The following ADAMTSL4 variants were observed in gnomAD, a reference collection of about 807,000 sequenced individuals.
ADAMTSL4 encodes ADAMTS-like protein 4.
A neutral mutation model predicts 122.8 loss-of-function variants in ADAMTSL4; 97 were observed. That is an observed-to-expected ratio of 0.79 (90% CI 0.67 to 0.93). The LOEUF (loss-of-function observed/expected upper bound fraction) is 0.93, where lower values mean the gene tolerates loss of function less well. ADAMTSL4 is among the 40% of genes least tolerant of loss of function. ADAMTSL4 has a pLI of 0.00. For synonymous variants in ADAMTSL4, 592 were observed against 568.0 expected (o/e 1.04, Z -0.60); for missense variants, 1,408 against 1,453.5 (o/e 0.97, Z 0.51).
At position 150,553,565 on chromosome 1, in the gene ADAMTSL4, G is replaced by A. The variant is rs771406480; in HGVS notation, c.574G>A (p.Glu192Lys). The change falls in exon 6 of 19, where the codon GAG (glutamate) becomes AAG (lysine). Residue 192 changes from glutamate to lysine, a missense_variant. By Grantham distance (56) the Glu-to-Lys change is moderately conservative. Transcript: ENST00000271643. ...ELSLISSRGE[E>K]AIPSPTPRAE... ...GTCCCTGATCTCTTCTAGAGGGGAAGAGGCTATTCCGTCCCCTACTCCAAG... is the reference window on the plus strand; with the variant it reads ...GTCCCTGATCTCTTCTAGAGGGGAAAAGGCTATTCCGTCCCCTACTCCAAG... 2.5e-6 allele frequency: 4 copies of A among 1,613,802 alleles called. No individual in the cohort carries two copies. The highest frequency in any genetic ancestry group is 1.3e-5 in the African/African-American group (1 of 74,908).
At chr1:150,558,832 G>A (rs1672490468) in intron 15 of ADAMTSL4, 130 bp from the exon 16 acceptor site, 11 of 1,538,870 alleles carry the variant, frequency 7.1e-6, no homozygotes, top group Non-Finnish European at 9.6e-6. Context: ...TCCTCGTCCG[G>A]GCCTGGTACC....
At chr1:150,550,595 C>G (rs1671307289) in intron 2 of ADAMTSL4, 3 of 384,042 alleles carry the variant, frequency 7.8e-6, no homozygotes, top group South Asian at 5.6e-5. Context: ...TGACTATCAC[C>G]CCATTTCTTC....
rs1156931512 is a variant in ADAMTSL4 at position 150,551,281 on chromosome 1, T to C, written c.-84-924T>C. The C allele has an allele frequency of 8.7e-6, 3 of 344,334 alleles. No individual in the cohort carries two copies. In the Admixed American group the frequency reaches 1.1e-4, roughly 13 times the overall value. 21.3% of individuals were successfully genotyped at this position (344,334 alleles called of 1,614,324 possible). On this transcript the variant is annotated intron_variant, in intron 2 of 18. Coordinates refer to ENST00000271643, the MANE Select transcript of ADAMTSL4 (RefSeq NM_019032.6). ...CCCTCACTGAACCAACTCCAGATGC[T>C]GGCACCCAGAGTGGGTGTTACATTG...
intron 5 of ADAMTSL4, 44 bp from the exon 6 acceptor site, chr1:150,553,382 G>A (rs1017356462): frequency 3.1e-6 from 5 of 1,609,600 alleles, no homozygotes; most frequent in Non-Finnish European, 4.3e-6. Context: ...AACAGGGTCA[G>A]AGGTGGTCAG....
At position 150,556,784 on chromosome 1, in the gene ADAMTSL4, G is replaced by A; in HGVS notation, c.1740G>A (p.Val580=). Residue 580 remains valine, a synonymous_variant, in exon 10 of 19, where the codon GTG becomes GTA. Transcript: ENST00000271643. The surrounding 1 kb of genome is among the most constrained non-coding windows in gnomAD (Gnocchi z 4.1). ...LSAEGPTTQP[V]DVYMIFQEEN... ...CTGAAGGCCCCACCACCCAGCCTGT[G>A]GATGTCTATGTGAGCCTGGGGCCAG... is the stretch of plus-strand genomic sequence containing the variant. 6.2e-7 allele frequency: 1 copy of A among 1,613,234 alleles called. No homozygotes were observed. Among genetic ancestry groups the A allele is most frequent in the Non-Finnish European group, 8.5e-7 (1 of 1,179,340 alleles).
Position 150,557,316 on chromosome 1 carries a change from C to T in ADAMTSL4, c.2028C>T (p.Cys676=), listed in dbSNP as rs1672261415. ...GGAAACGAGTGGGACACTCTGCATG[C>T]TCAGCGTCCTGCGGGAAAGGTGAGA... is the stretch of plus-strand genomic sequence containing the variant. The part of the protein sequence containing the change: ...AYWKRVGHSA[C]SASCGKGVWR... The change falls in exon 12 of 19, where the codon TGC becomes TGT. Residue 676 remains cysteine (C), a synonymous_variant. Coordinates refer to ENST00000271643, the MANE Select transcript of ADAMTSL4 (RefSeq NM_019032.6). The T allele has an allele frequency of 1.9e-6, 3 of 1,611,628 alleles. No individual in the cohort carries two copies. Among genetic ancestry groups the T allele is most frequent in the Non-Finnish European group, 1.7e-6 (2 of 1,179,298 alleles).
chr1:150,555,742 C>CGCATATGCACACACATGCACAT (rs1672009625), intron 8 of ADAMTSL4, among the ~76,000 whole-genome samples, 177 bp downstream of exon 8: 2 of 151,998 alleles, frequency 1.3e-5, no homozygotes, highest in African/African-American at 4.8e-5. Flanking sequence ...CGCACACACA[C>CGCATATGCACACACATGCACAT]GCATATGCAC....
At chr1:150,551,105 TC>T (rs764841499) in intron 2 of ADAMTSL4, 11 of 425,734 alleles carry the variant, frequency 2.6e-5, no homozygotes, top group South Asian at 1.8e-4. Context: ...TGGGGTGGCT[TC>T]CAAGCCTCAC....
rs953104001 is a variant in ADAMTSL4, at chr1:150,557,592, G to C, written c.2146G>C (p.Glu716Gln). 2 of 1,603,304 alleles carry C rather than the reference G, an allele frequency of 1.2e-6. No individual in the cohort carries two copies. Among genetic ancestry groups the C allele is most frequent in the African/African-American group, 2.7e-5 (2 of 74,720 alleles). Residue 716 changes from glutamate (E) to glutamine (Q), a missense_variant, in exon 13 of 19, where the codon GAA becomes CAA. Physicochemically the swap from Glu to Gln is conservative, Grantham distance 29 (BLOSUM62 2). Transcript: ENST00000271643. ...GGGTGCCAGGCCCCCAGCCTCCCCT[G>C]AACCCTGCCACGGCACCCCATGCCC... ...AAGARPPASP[E>Q]PCHGTPCPPY...
chr1:150,558,119 C>T lies in ADAMTSL4; in HGVS notation c.2352C>T (p.Gly784=), dbSNP rs1462812327. The change falls in exon 14 of 19, where the codon GGC becomes GGT. Residue 784 remains glycine, a synonymous_variant. Coordinates refer to ENST00000271643, the MANE Select transcript of ADAMTSL4 (RefSeq NM_019032.6). ...ITQSCQLRLC[G]HWEVGSPWSQ... is the part of the protein sequence containing the mutation. ...AGTCTTGCCAGCTGCGCCTCTGTGG[C>T]CATTGGGAAGTTGGCTCTCCTTGGA... is the stretch of plus-strand genomic sequence containing the variant. 6.2e-7 allele frequency: 1 copy of T among 1,613,388 alleles called. No homozygotes were observed. The highest frequency in any genetic ancestry group is 8.5e-7 in the Non-Finnish European group (1 of 1,180,026).
intron 7 of ADAMTSL4, among the ~76,000 whole-genome samples, chr1:150,555,164 A>G (rs1671894407): frequency 6.6e-6 from 1 of 151,558 alleles, no homozygotes; most frequent in South Asian, 2.1e-4. Context: ...TAATTTTTGT[A>G]TTTGTAGTGG....
chr1:150,558,425 G>T, intron 14 of ADAMTSL4, 48 bp from the exon 15 acceptor site: 1 of 1,609,256 alleles, frequency 6.2e-7, no homozygotes. Context: ...GAAGCTGGCT[G>T]AGAAGGTCTG....
At position 150,558,031 on chromosome 1, in the gene ADAMTSL4, G is replaced by A. The variant is rs200531596; in HGVS notation, c.2264G>A (p.Gly755Glu). 3.1e-6 allele frequency: 5 copies of A among 1,612,780 alleles called. No homozygotes were observed. Among genetic ancestry groups the A allele is most frequent in the African/African-American group, 1.3e-5 (1 of 75,030 alleles). ...HRQLQCRQEF[G>E]GGGSSVPPER... Reference sequence around the variant, plus strand: ...CAGCTGCAGTGCCGGCAGGAATTTGGGGGGGGTGGCTCCTCGGTGCCCCCG... The same window carrying A: ...CAGCTGCAGTGCCGGCAGGAATTTGAGGGGGGTGGCTCCTCGGTGCCCCCG... The change falls in exon 14 of 19, where the codon GGG (glycine) becomes GAG (glutamate). Residue 755 changes from glycine to glutamate, a missense_variant. Transcript: ENST00000271643.
Position 150,557,305 on chromosome 1 carries a change from C to T in ADAMTSL4, c.2017C>T (p.His673Tyr), listed in dbSNP as rs1231693891. ...AGCTGCGTACTGGAAACGAGTGGGA[C>T]ACTCTGCATGCTCAGCGTCCTGCGG... ...SPAAYWKRVG[H>Y]SACSASCGKG... Residue 673 changes from histidine (H) to tyrosine (Y), a missense_variant, in exon 12 of 19, where the codon CAC becomes TAC. Coordinates refer to ENST00000271643, the MANE Select transcript of ADAMTSL4 (RefSeq NM_019032.6). The T allele has an allele frequency of 3.7e-6, 6 of 1,612,144 alleles. No homozygotes were observed. The highest frequency in any genetic ancestry group is 4.5e-5 in the East Asian group (2 of 44,804).
Position 150,559,375 on chromosome 1 carries a change from G to A in ADAMTSL4, c.2852G>A (p.Ser951Asn). The stretch of plus-strand genomic sequence containing the variant: ...ACGGAGTTCAACGTGACTTCTCCGA[G>A]CAACTGTTCTCACCTCCCCAGGCCC... ...LGTEFNVTSP[S>N]NCSHLPRPPA... is the part of the protein sequence containing the mutation. The change falls in exon 17 of 19, where the codon AGC becomes AAC. Residue 951 changes from serine (S) to asparagine (N), a missense_variant. Ser to Asn is a conservative substitution (Grantham distance 46). Coordinates refer to ENST00000271643, the MANE Select transcript of ADAMTSL4 (RefSeq NM_019032.6). The surrounding 1 kb of genome is among the most constrained non-coding windows in gnomAD (Gnocchi z 4.1). 1 of 1,613,872 alleles carries A rather than the reference G, an allele frequency of 6.2e-7. No individual in the cohort carries two copies. Among genetic ancestry groups the A allele is most frequent in the Non-Finnish European group, 8.5e-7 (1 of 1,180,004 alleles).
Position 150,553,164 on chromosome 1 carries a change from G to A in ADAMTSL4, c.345G>A (p.Arg115=), listed in dbSNP as rs1671612247. 1.9e-6 allele frequency: 3 copies of A among 1,611,994 alleles called. No individual in the cohort carries two copies. The highest frequency in any genetic ancestry group is 2.5e-6 in the Non-Finnish European group (3 of 1,179,030). ...QTSPETLPLY[R]TQSRGRGGPL... ...CTCCAGAAACCCTCCCCTTGTACAG[G>A]ACACAGTCTCGGGGAAGGGGTGGCC... Residue 115 remains arginine, a synonymous_variant, in exon 5 of 19, where the codon AGG becomes AGA. Transcript: ENST00000271643.
rs771686014 is a variant in ADAMTSL4 at position 150,552,597 on chromosome 1, G to T, written c.75G>T (p.Gln25His). ...LLSLPQLCLD[Q>H]EVLSGHSLQT... Reference sequence around the variant, plus strand: ...CCCTCCCTCAGCTCTGCTTGGATCAGGAGGTGAGTTCTGGACAAGTGAGCA... The same window carrying T: ...CCCTCCCTCAGCTCTGCTTGGATCATGAGGTGAGTTCTGGACAAGTGAGCA... The change falls in exon 4 of 19, where the codon CAG (glutamine) becomes CAT (histidine). Residue 25 changes from glutamine (Q) to histidine (H), a missense_variant. Transcript: ENST00000271643. The surrounding 1 kb of genome is among the most constrained non-coding windows in gnomAD (Gnocchi z 4.0). 1 of 1,613,746 alleles carries T rather than the reference G, an allele frequency of 6.2e-7. No homozygotes were observed. The highest frequency in any genetic ancestry group is 1.1e-5 in the South Asian group (1 of 91,036).
At position 150,549,900 on chromosome 1, in the gene ADAMTSL4, G is replaced by A. The variant is rs1671225199; in HGVS notation, c.-85+5G>A. ...GGGTCGCCGCGAGGGACGCAGGTGG[G>A]TGCCCTTGATCCAGCTCAGCCCGAT... is the stretch of plus-strand genomic sequence containing the variant. On this transcript the variant is annotated splice_donor_5th_base_variant and intron_variant, in intron 2 of 18. Coordinates refer to ENST00000271643, the MANE Select transcript of ADAMTSL4 (RefSeq NM_019032.6). This position sits in a 1 kb window ranked among gnomAD's most constrained non-coding sequence, Gnocchi z 5.0. 1 of 218,706 alleles carries A rather than the reference G, an allele frequency of 4.6e-6. No individual in the cohort carries two copies. Among genetic ancestry groups the A allele is most frequent in the South Asian group, 5.7e-5 (1 of 17,502 alleles). The allele number at this position is 218,706 out of a possible 1,614,324, so 13.5% of individuals were successfully genotyped here. A position where few individuals can be genotyped will look rare whatever the true frequency, so the allele number is the denominator to read the frequency against.
Position 150,555,813 on chromosome 1 carries a change from GCA to G in ADAMTSL4, c.1371+256_1371+257del, listed in dbSNP as rs373367825. The G allele has an allele frequency of 1.3e-3, 817 of 626,064 alleles. 2 individuals carry two copies. The highest frequency in any genetic ancestry group is 5.3e-3 in the African/African-American group (293 of 54,930). The allele number at this position is 626,064 out of a possible 1,614,324, so 38.8% of individuals were successfully genotyped here. On this transcript the variant is annotated intron_variant, in intron 8 of 18. Coordinates refer to ENST00000271643, the MANE Select transcript of ADAMTSL4 (RefSeq NM_019032.6). ...CATGTGCACACGTGCATGAACACAT[GCA>G]CACACACGTATGCAGACACATGCAC...
Sources: allele counts gnomAD v4.1 joint callset (sites outside exome capture counted in the v4.1 genomes callset), GRCh38; gene constraint gnomAD v4.1.1; non-coding constraint Gnocchi (gnomAD v3.1); transcripts MANE v1.5; gene names NCBI Gene and HGNC (gene_info 2026-07-23, HGNC 2026-07-21).